Variants in KIAA0825 observed in about 807,000 individuals in gnomAD.
KIAA0825 encodes the protein KIAA0825, also known as uncharacterized protein KIAA0825.
A neutral mutation model predicts 147.6 loss-of-function variants in KIAA0825; 119 were observed. The observed-to-expected ratio is 0.81, with a 90% CI of 0.69 to 0.94. KIAA0825 has a LOEUF of 0.94. Ranked by LOEUF, KIAA0825 falls within the 40% of genes least tolerant of loss-of-function variation. The probability of loss-of-function intolerance (pLI) is 0.00; values close to 1 mark genes in which losing one functional copy is unlikely to be tolerated. For synonymous variants in KIAA0825, 470 were observed against 518.1 expected (o/e 0.91, Z 1.26); for missense variants, 1,381 against 1,472.7 (o/e 0.94, Z 1.02).
chr5:94,163,310 T>G (rs772700537), intron 20 of KIAA0825, among the ~76,000 whole-genome samples: 3 of 152,230 alleles, frequency 2.0e-5, no homozygotes, highest in Non-Finnish European at 2.9e-5. Context: ...GGTCACTATT[T>G]AAACATTTAA....
At chr5:94,538,274 A>T (rs1333097289) in intron 2 of KIAA0825, among the ~76,000 whole-genome samples, 2 of 152,220 alleles carry the variant, frequency 1.3e-5, no homozygotes, top group Non-Finnish European at 2.9e-5. Flanking sequence ...AGTGTGAGCT[A>T]TTTTATTTAG....
At chr5:94,402,863 G>A (rs1000953617) in intron 16 of KIAA0825, among the ~76,000 whole-genome samples, 12 of 151,924 alleles carry the variant, frequency 7.9e-5, no homozygotes, top group Admixed American at 3.3e-4. Context: ...ATACAGGTAC[G>A]TAATATACAT....
chr5:94,183,073 T>C (rs905110160), intron 20 of KIAA0825, among the ~76,000 whole-genome samples: 4 of 152,136 alleles, frequency 2.6e-5, no homozygotes, highest in Non-Finnish European at 4.4e-5. Flanking sequence ...AAGGTCAAAC[T>C]ACCAAAAAAA....
intron 10 of KIAA0825, among the ~76,000 whole-genome samples, chr5:94,468,459 A>G (rs1760819584): frequency 6.6e-6 from 1 of 152,210 alleles, no homozygotes; most frequent in Admixed American, 6.5e-5. Context: ...GGGGAAGACC[A>G]ATACTTTAAT....
At chr5:94,253,175 C>T (rs1290196203) in intron 20 of KIAA0825, among the ~76,000 whole-genome samples, 2 of 152,030 alleles carry the variant, frequency 1.3e-5, no homozygotes, top group Admixed American at 1.3e-4. Flanking sequence ...TAACTTTATT[C>T]ATTATTGTAC....
At chr5:94,387,291 C>T (rs1009915110) in intron 18 of KIAA0825, among the ~76,000 whole-genome samples, 2 of 152,112 alleles carry the variant, frequency 1.3e-5, no homozygotes, top group Admixed American at 6.6e-5. Flanking sequence ...ATTTAGAAAA[C>T]CTGTGCTACT....
At chr5:94,570,602 T>G (rs1361037865) in intron 2 of KIAA0825, 2 of 152,256 alleles carry the variant, frequency 1.3e-5, no homozygotes, top group African/African-American at 4.8e-5. Context: ...ACAAGTAGCA[T>G]CCGTACTATA....
intron 2 of KIAA0825, among the ~76,000 whole-genome samples, chr5:94,538,512 A>T (rs565090530): frequency 6.6e-6 from 1 of 152,228 alleles, no homozygotes; most frequent in Non-Finnish European, 1.5e-5. Flanking sequence ...CTGGCTGGGC[A>T]TTTGATTCCA....
chr5:94,504,272 G>A lies in KIAA0825; in HGVS notation c.970+15976C>T, dbSNP rs963755489. On this transcript the variant is annotated intron_variant, in intron 5 of 20. Coordinates refer to ENST00000682413, the MANE Select transcript of KIAA0825 (RefSeq NM_001145678.3). ...ATCTCAAGTAGGTAGAGGGACAACA[G>A]ACAATAAGCTGGAGTGAACATTGTG... Among the ~76,000 whole-genome samples, 3 of 152,148 alleles carry A rather than the reference G, an allele frequency of 2.0e-5. No homozygotes were observed. The East Asian group carries it at 5.8e-4, about 29-fold the overall frequency.
chr5:94,520,705 G>A lies in KIAA0825; in HGVS notation c.513C>T (p.Phe171=). The part of the protein sequence containing the change: ...WDDIRLHLRR[F]LVSKLQSHNE... The stretch of plus-strand genomic sequence containing the variant: ...TATGGCTTTGTAATTTGCTCACTAA[G>A]AAGCGTCGAAGATGCAGTCTTATAT... Residue 171 remains phenylalanine, a synonymous_variant, in exon 5 of 21, where the codon TTC becomes TTT. Transcript: ENST00000682413. 6.2e-7 allele frequency: 1 copy of A among 1,613,340 alleles called. No individual in the cohort carries two copies. The highest frequency in any genetic ancestry group is 1.1e-5 in the South Asian group (1 of 91,064).
At chr5:94,422,345 C>T (rs1754298502) in intron 14 of KIAA0825, among the ~76,000 whole-genome samples, 1 of 152,028 alleles carries the variant, frequency 6.6e-6, no homozygotes, top group South Asian at 2.1e-4. Flanking sequence ...TTGCTAAATT[C>T]CCCCCAGTTT....
At chr5:94,194,091 C>T (rs541599491) in intron 20 of KIAA0825, among the ~76,000 whole-genome samples, 2 of 152,244 alleles carry the variant, frequency 1.3e-5, no homozygotes, top group East Asian at 1.9e-4. Flanking sequence ...CCTCCCTAGA[C>T]AAAGGTTCTC....
At chr5:94,556,830 C>T (rs2152277423) in intron 2 of KIAA0825, among the ~76,000 whole-genome samples, 1 of 152,286 alleles carries the variant, frequency 6.6e-6, no homozygotes, top group Middle Eastern at 3.4e-3. Context: ...TGTGTTCTCA[C>T]CTCTCATTTA....
intron 20 of KIAA0825, among the ~76,000 whole-genome samples, chr5:94,296,411 C>A (rs1326015666): frequency 6.6e-6 from 1 of 152,066 alleles, no homozygotes; most frequent in East Asian, 1.9e-4. Flanking sequence ...AGAGAGTGAA[C>A]CATTTTGTCT....
rs191638507 is a variant in KIAA0825, at chr5:94,150,952, T to C, written c.*3055A>G. Among the ~76,000 whole-genome samples the C allele has an allele frequency of 7.9e-5, 12 of 152,218 alleles. No homozygotes were observed. The East Asian group carries it at 2.3e-3, about 29-fold the overall frequency. On this transcript the variant is annotated 3_prime_UTR_variant, in exon 21 of 21. Coordinates refer to ENST00000682413, the MANE Select transcript of KIAA0825 (RefSeq NM_001145678.3). ...AATAAAATAGATATCTCTATATAAT[T>C]ACATAAAAATACAATTAAGCAGAAC... is the stretch of plus-strand genomic sequence containing the variant.
At chr5:94,398,478 A>C (rs1750963265) in intron 16 of KIAA0825, among the ~76,000 whole-genome samples, 1 of 152,118 alleles carries the variant, frequency 6.6e-6, no homozygotes, top group African/African-American at 2.4e-5. Context: ...TTCTGTCTTC[A>C]TGGTTCACAA....
chr5:94,262,380 A>T (rs985817003), intron 20 of KIAA0825, among the ~76,000 whole-genome samples: 1 of 152,160 alleles, frequency 6.6e-6, no homozygotes, highest in African/African-American at 2.4e-5. Flanking sequence ...TAAAATTTAA[A>T]CATTTTTATC....
intron 20 of KIAA0825, among the ~76,000 whole-genome samples, chr5:94,199,541 A>C (rs1457255450): frequency 1.3e-5 from 2 of 152,024 alleles, no homozygotes; most frequent in Non-Finnish European, 2.9e-5. Flanking sequence ...GTAACTGCAT[A>C]CTGACAGAGT....
intron 2 of KIAA0825, among the ~76,000 whole-genome samples, chr5:94,572,529 T>C (rs997189159): frequency 6.6e-6 from 1 of 152,216 alleles, no homozygotes; most frequent in Admixed American, 6.5e-5. Flanking sequence ...TCTGGTTTAT[T>C]TATATATAAC....
Sources: gnomAD v4.1 joint callset for allele counts (sites outside exome capture counted in the v4.1 genomes callset) on GRCh38, gnomAD v4.1.1 for gene constraint, MANE v1.5 for transcripts, NCBI Gene and HGNC (gene_info 2026-07-23, HGNC 2026-07-21) for gene names.